ITGA1: variants seen among roughly 807,000 people sequenced by gnomAD.
ITGA1 encodes the protein integrin alpha-1.
Under a neutral mutation model 145.9 loss-of-function variants are expected in ITGA1, and 85 were observed. That is an observed-to-expected ratio of 0.58 (90% CI 0.49 to 0.70). The LOEUF (loss-of-function observed/expected upper bound fraction) is 0.70. ITGA1 is among the 30% of genes least tolerant of loss of function. The pLI, the probability that ITGA1 is intolerant of heterozygous loss-of-function variation, is 0.00. For synonymous variants in ITGA1, 520 were observed against 495.3 expected, an observed-to-expected ratio of 1.05 and a Z score of -0.66; for missense variants, 1,351 against 1,418.7, an observed-to-expected ratio of 0.95 and a Z score of 0.77.
At chr5:52,838,246 G>A (rs1256904102) in intron 1 of ITGA1, among the ~76,000 whole-genome samples, 1 of 152,142 alleles carries the variant, frequency 6.6e-6, no homozygotes, top group African/African-American at 2.4e-5. Flanking sequence ...AGTTTAAGTG[G>A]CAGTGTATGA....
At chr5:52,882,088 T>G in intron 7 of ITGA1, 67 bp downstream of exon 7, 2 of 1,346,252 alleles carry the variant, frequency 1.5e-6, no homozygotes, top group Non-Finnish European at 2.0e-6. Context: ...TTTAGCCTTT[T>G]GGCATATCAA....
chr5:52,828,986 C>T (rs1749013001), intron 1 of ITGA1, among the ~76,000 whole-genome samples: 1 of 152,174 alleles, frequency 6.6e-6, no homozygotes, highest in Non-Finnish European at 1.5e-5. Flanking sequence ...CCTCTCCTTT[C>T]TCTTATAAGA....
intron 26 of ITGA1, among the ~76,000 whole-genome samples, chr5:52,943,757 C>G (rs1417405406): frequency 2.0e-5 from 3 of 152,194 alleles, no homozygotes. Context: ...TGTTACCCAT[C>G]TCAGTGCTCT....
At chr5:52,881,846 A>G (rs769922454) in intron 6 of ITGA1, 27 bp from the exon 7 acceptor site, 4 of 1,592,678 alleles carry the variant, frequency 2.5e-6, no homozygotes, top group South Asian at 2.3e-5. Flanking sequence ...GGATTGACGT[A>G]TAACTCACAG....
chr5:52,798,218 C>A (rs1748382835), intron 1 of ITGA1, among the ~76,000 whole-genome samples: 5 of 152,070 alleles, frequency 3.3e-5, no homozygotes, highest in Admixed American at 1.3e-4. Context: ...TGGAAGAAGG[C>A]AATGTGAATT....
At chr5:52,801,547 C>G (rs1385253226) in intron 1 of ITGA1, 6 of 1,614,124 alleles carry the variant, frequency 3.7e-6, no homozygotes, top group Non-Finnish European at 5.1e-6. Flanking sequence ...ACAGCATGAA[C>G]CGGATCGAGC....
chr5:52,933,950 T>C lies in ITGA1; in HGVS notation c.2918T>C (p.Ile973Thr), dbSNP rs373281503. The C allele has an allele frequency of 3.8e-5, 58 of 1,533,192 alleles. No individual in the cohort carries two copies. The highest frequency in any genetic ancestry group is 5.0e-5 in the Non-Finnish European group (57 of 1,133,852). 95.0% of individuals were successfully genotyped at this position (1,533,192 alleles called of 1,614,324 possible). ...GCCAATGAGACAGTCCCTGAAGTTA[T>C]TAATTCTACTGAGGACATTGGAAAT... ...IAANETVPEVINSTEDIGNEI... is the reference protein window; with the variant it reads ...IAANETVPEVTNSTEDIGNEI... The change falls in exon 23 of 29, where the codon ATT (isoleucine) becomes ACT (threonine). Residue 973 changes from isoleucine to threonine, a missense_variant. Transcript: ENST00000282588.
intron 3 of ITGA1, among the ~76,000 whole-genome samples, chr5:52,863,536 G>C (rs1300161414): frequency 6.6e-6 from 1 of 152,140 alleles, no homozygotes; most frequent in Non-Finnish European, 1.5e-5. Context: ...AACTCATTTA[G>C]TGCCAGTATC....
At chr5:52,855,392 A>G (rs751175895) in intron 2 of ITGA1, among the ~76,000 whole-genome samples, 8 of 152,208 alleles carry the variant, frequency 5.3e-5, no homozygotes, top group Non-Finnish European at 1.0e-4. Flanking sequence ...TCACATAAGT[A>G]TAAATTCTCA....
intron 1 of ITGA1, among the ~76,000 whole-genome samples, chr5:52,819,217 A>G (rs916252621): frequency 1.8e-4 from 27 of 152,276 alleles, no homozygotes; most frequent in Admixed American, 1.7e-3. Flanking sequence ...CTGAGGAATC[A>G]CCACACTGAC....
chr5:52,935,658 G>A (rs1042254480), intron 23 of ITGA1, among the ~76,000 whole-genome samples: 1 of 152,074 alleles, frequency 6.6e-6, no homozygotes, highest in African/African-American at 2.4e-5. Flanking sequence ...ACAGCATGTG[G>A]CACATAGTCA....
chr5:52,852,847 C>T (rs550412670), intron 2 of ITGA1, among the ~76,000 whole-genome samples: 15 of 152,128 alleles, frequency 9.9e-5, no homozygotes, highest in African/African-American at 3.6e-4. Flanking sequence ...TAGTTTAACA[C>T]TCTGTTATCA....
intron 1 of ITGA1, among the ~76,000 whole-genome samples, chr5:52,833,807 A>C (rs1176959501): frequency 6.6e-6 from 1 of 152,148 alleles, no homozygotes; most frequent in Non-Finnish European, 1.5e-5. Flanking sequence ...TGGCCATTTA[A>C]AGGGGAGGTA....
chr5:52,881,359 G>A (rs1182873057), intron 6 of ITGA1, among the ~76,000 whole-genome samples: 2 of 152,016 alleles, frequency 1.3e-5, no homozygotes, highest in Non-Finnish European at 1.5e-5. Context: ...CTGTATGGAC[G>A]CTCTGCCCTT....
chr5:52,880,761 T>C (rs1297526401), intron 6 of ITGA1, among the ~76,000 whole-genome samples: 1 of 152,254 alleles, frequency 6.6e-6, no homozygotes, highest in Non-Finnish European at 1.5e-5. Context: ...CTGGAATTCC[T>C]GAATTAAAGA....
At chr5:52,891,323 C>A (rs1750144826) in intron 8 of ITGA1, among the ~76,000 whole-genome samples, 1 of 124,374 alleles carries the variant, frequency 8.0e-6, no homozygotes, top group Non-Finnish European at 1.8e-5. Flanking sequence ...GACATACCAC[C>A]ATAGCTCACT....
chr5:52,859,827 G>A (rs1037610299), intron 2 of ITGA1, among the ~76,000 whole-genome samples: 1 of 152,122 alleles, frequency 6.6e-6, no homozygotes, highest in Non-Finnish European at 1.5e-5. Context: ...TCTTAATTTA[G>A]ATATTTCAGA....
chr5:52,822,155 A>G (rs2111706032), intron 1 of ITGA1, among the ~76,000 whole-genome samples: 1 of 152,256 alleles, frequency 6.6e-6, no homozygotes, highest in African/African-American at 2.4e-5. Flanking sequence ...GAGTTTCCAA[A>G]TGGTGTTCAT....
chr5:52,804,802 C>A (rs1748558918), intron 1 of ITGA1, among the ~76,000 whole-genome samples: 1 of 152,052 alleles, frequency 6.6e-6, no homozygotes, highest in African/African-American at 2.4e-5. Flanking sequence ...CAAGTTAAGA[C>A]TGGCTATTTG....
Sources: gnomAD v4.1 joint callset for allele counts (sites outside exome capture counted in the v4.1 genomes callset) on GRCh38, gnomAD v4.1.1 for gene constraint, MANE v1.5 for transcripts, NCBI Gene and HGNC (gene_info 2026-07-23, HGNC 2026-07-21) for gene names.